Variants in CNPY4 observed in about 807,000 individuals in gnomAD.
CNPY4 encodes canopy FGF signaling regulator 4.
CNPY4 carries 33 observed loss-of-function variants against 30.1 expected under a neutral mutation model. The observed-to-expected ratio is 1.10, with a 90% CI of 0.83 to 1.46. The LOEUF is 1.46. Ranked by LOEUF, CNPY4 falls within the 40% of genes most tolerant of loss-of-function variation. The pLI is 0.00. For missense variants in CNPY4, 324 were observed against 302.6 expected (o/e 1.07, Z -0.52); for synonymous variants, 109 against 110.1 (o/e 0.99, Z 0.06).
intron 4 of CNPY4, among the ~76,000 whole-genome samples, chr7:100,123,510 A>G (rs762829617): frequency 2.0e-5 from 3 of 152,066 alleles, no homozygotes; most frequent in Non-Finnish European, 4.4e-5. Context: ...TCTACAAATA[A>G]TAATAATTTT....
At chr7:100,123,365 CAAAAAA>C (rs1006358320) in intron 4 of CNPY4, among the ~76,000 whole-genome samples, 22 of 147,992 alleles carry the variant, frequency 1.5e-4, no homozygotes, top group East Asian at 7.8e-4. Flanking sequence ...AAAACAAAAA[CAAAAAA>C]AAAGAAATCA....
In CNPY4 at chr7:100,119,670, T is replaced by A. The variant is rs1797964301; in HGVS notation, c.-75T>A. 2 of 1,611,392 alleles carry A rather than the reference T, an allele frequency of 1.2e-6. No homozygotes were observed. Among genetic ancestry groups the A allele is most frequent in the African/African-American group, 1.3e-5 (1 of 74,880 alleles). ...GGATTTAAGGTTGCCGCTAGCCGCC[T>A]GGGAATTTAAGGGACCCACACTACC... On this transcript the variant is annotated 5_prime_UTR_variant, in exon 1 of 6. Coordinates refer to ENST00000262932, the MANE Select transcript of CNPY4 (RefSeq NM_152755.2).
In CNPY4 at chr7:100,124,725, C is replaced by T; in HGVS notation, c.584C>T (p.Ala195Val). 3 of 1,613,804 alleles carry T rather than the reference C, an allele frequency of 1.9e-6. No individual in the cohort carries two copies. Among genetic ancestry groups the T allele is most frequent in the South Asian group, 2.2e-5 (2 of 91,056 alleles). Reference sequence around the variant, plus strand: ...AATTGTTTTCTGTCATCCGATCTAGCATGTCTACAGGAAACTTGGACTGGA... The same window carrying T: ...AATTGTTTTCTGTCATCCGATCTAGTATGTCTACAGGAAACTTGGACTGGA... Reference protein sequence around the residue: ...EGHVLPAAETACLQETWTGKE... With the variant: ...EGHVLPAAETVCLQETWTGKE... The change falls in exon 6 of 6, where the codon GCA becomes GTA. Residue 195 changes from alanine to valine, a missense_variant and splice_region_variant. Coordinates refer to ENST00000262932, the MANE Select transcript of CNPY4 (RefSeq NM_152755.2).
rs1797973296 is a variant in CNPY4 at position 100,119,822 on chromosome 7, G to A, written c.78G>A (p.Glu26=). 8 of 1,614,036 alleles carry A rather than the reference G, an allele frequency of 5.0e-6. No individual in the cohort carries two copies. Among genetic ancestry groups the A allele is most frequent in the African/African-American group, 2.7e-5 (2 of 75,044 alleles). ...VHEAWAGMLK[E]EDDDTERLPS... ...AGGCTTGGGCTGGGATGTTGAAGGA[G>A]GAGGACGATGACACAGAACGCTTGC... Residue 26 remains glutamate, a synonymous_variant, in exon 1 of 6, where the codon GAG becomes GAA. Coordinates refer to ENST00000262932, the MANE Select transcript of CNPY4 (RefSeq NM_152755.2).
intron 4 of CNPY4, among the ~76,000 whole-genome samples, chr7:100,123,638 A>G (rs1355043239): frequency 6.6e-6 from 1 of 151,712 alleles, no homozygotes; most frequent in Non-Finnish European, 1.5e-5. Context: ...CTCCTGCTTC[A>G]GCCTCCCGAG....
At chr7:100,122,049 G>GGAAA in intron 1 of CNPY4, 1 of 313,816 alleles carries the variant, frequency 3.2e-6, no homozygotes, top group South Asian at 2.8e-5. Flanking sequence ...GAGTCCGTCT[G>GGAAA]AAAAAAAAAA....
At position 100,122,259 on chromosome 7, in the gene CNPY4, T is replaced by C. The variant is rs1378317973; in HGVS notation, c.119T>C (p.Val40Ala). 3 of 1,605,364 alleles carry C rather than the reference T, an allele frequency of 1.9e-6. No individual in the cohort carries two copies. In the African/African-American group the frequency reaches 4.0e-5, roughly 22 times the overall value. Reference protein sequence around the residue: ...DTERLPSKCEVCKLLSTELQA... With the variant: ...DTERLPSKCEACKLLSTELQA... ...CCCGGACGTTTCTCCTCCCCACCAGTGTGTAAGCTGCTGAGCACAGAGCTA... is the reference window on the plus strand; with the variant it reads ...CCCGGACGTTTCTCCTCCCCACCAGCGTGTAAGCTGCTGAGCACAGAGCTA... Residue 40 changes from valine (V) to alanine (A), a missense_variant and splice_region_variant, in exon 2 of 6, where the codon GTG (valine) becomes GCG (alanine). Coordinates refer to ENST00000262932, the MANE Select transcript of CNPY4 (RefSeq NM_152755.2).
At position 100,124,624 on chromosome 7, in the gene CNPY4, T is replaced by C; in HGVS notation, c.576T>C (p.Ala192=). The C allele has an allele frequency of 6.2e-7, 1 of 1,613,224 alleles. No individual in the cohort carries two copies. Among genetic ancestry groups the C allele is most frequent in the Non-Finnish European group, 8.5e-7 (1 of 1,179,644 alleles). The part of the protein sequence containing the change: ...FLCEGHVLPA[A]ETACLQETWT... ...GTGAAGGTCATGTGCTCCCAGCTGCTGAAACTGGTAAGCGTAAGGGTTGAA... is the reference window on the plus strand; with the variant it reads ...GTGAAGGTCATGTGCTCCCAGCTGCCGAAACTGGTAAGCGTAAGGGTTGAA... The change falls in exon 5 of 6, where the codon GCT becomes GCC. Residue 192 remains alanine, a synonymous_variant. Coordinates refer to ENST00000262932, the MANE Select transcript of CNPY4 (RefSeq NM_152755.2).
chr7:100,124,431 G>C (rs1257461293), intron 4 of CNPY4, 83 bp from the exon 5 acceptor site: 1 of 1,081,804 alleles, frequency 9.2e-7, no homozygotes, highest in African/African-American at 1.6e-5. Flanking sequence ...TCCAAAATCA[G>C]TCAGGTTGAG....
At chr7:100,122,157 A>G in intron 1 of CNPY4, 102 bp from the exon 2 acceptor site, 1 of 1,462,988 alleles carries the variant, frequency 6.8e-7, no homozygotes, top group East Asian at 2.3e-5. Flanking sequence ...GTCTGGCTCC[A>G]TAGTCTGCAC....
In CNPY4 at chr7:100,124,800, A is replaced by G. The variant is rs1798169602; in HGVS notation, c.659A>G (p.Glu220Gly). The change falls in exon 6 of 6, where the codon GAG (glutamate) becomes GGG (glycine). Residue 220 changes from glutamate to glycine, a missense_variant. Coordinates refer to ENST00000262932, the MANE Select transcript of CNPY4 (RefSeq NM_152755.2). ...AAAACAGAAGGGGAGGAAGAGCAGG[A>G]GGAGGAGGAGGAAGAGGAGGAAGAG... ...EEKTEGEEEQ[E>G]EEEEEEEEEG... The G allele has an allele frequency of 6.3e-7, 1 of 1,595,776 alleles. No homozygotes were observed. The highest frequency in any genetic ancestry group is 8.5e-7 in the Non-Finnish European group (1 of 1,179,260).
Position 100,124,635 on chromosome 7 carries a change from A to C in CNPY4, c.583+4A>C, listed in dbSNP as rs1177676098. On this transcript the variant is annotated splice_donor_region_variant and intron_variant, in intron 5 of 5. Coordinates refer to ENST00000262932, the MANE Select transcript of CNPY4 (RefSeq NM_152755.2). The stretch of plus-strand genomic sequence containing the variant: ...GTGCTCCCAGCTGCTGAAACTGGTA[A>C]GCGTAAGGGTTGAACTCCTCTCCTG... 3 of 1,612,688 alleles carry C rather than the reference A, an allele frequency of 1.9e-6. No individual in the cohort carries two copies. In the African/African-American group the frequency reaches 4.0e-5, roughly 22 times the overall value.
At chr7:100,124,200 G>A (rs1435173682) in intron 4 of CNPY4, among the ~76,000 whole-genome samples, 1 of 151,378 alleles carries the variant, frequency 6.6e-6, no homozygotes, top group Non-Finnish European at 1.5e-5. Flanking sequence ...AGCACCTACT[G>A]TGTCCCAGAC....
In CNPY4 at chr7:100,125,085, G is replaced by T. The variant is rs1195817676; in HGVS notation, c.*197G>T. The T allele has an allele frequency of 3.4e-6, 2 of 584,498 alleles. No homozygotes were observed. Among genetic ancestry groups the T allele is most frequent in the African/African-American group, 3.7e-5 (2 of 53,720 alleles). The allele number at this position is 584,498 out of a possible 1,614,324, so 36.2% of individuals were successfully genotyped here. ...GCTTCTGGGGTGGAGGGTGGGGGTG[G>T]AGGTCCTGCTCCTAGAGATGAACTC... On this transcript the variant is annotated 3_prime_UTR_variant, in exon 6 of 6. Coordinates refer to ENST00000262932, the MANE Select transcript of CNPY4 (RefSeq NM_152755.2).
intron 1 of CNPY4, 180 bp from the exon 2 acceptor site, chr7:100,122,079 G>T (rs529671633): frequency 1.8e-5 from 9 of 492,414 alleles, no homozygotes; most frequent in Non-Finnish European, 2.9e-5. Flanking sequence ...TGAAGAAACC[G>T]AGGCACAGCA....
In CNPY4 at chr7:100,123,140, G is replaced by A. The variant is rs755471607; in HGVS notation, c.465+234G>A. 5.3e-5 allele frequency among the ~76,000 whole-genome samples: 8 copies of A among 152,012 alleles called. No individual in the cohort carries two copies. The South Asian group carries it at 1.0e-3, about 20-fold the overall frequency. ...GTGGATCACCTGAGGTCATAAGTTC[G>A]AGACCAGCCTGGCCAACAAGGCAAA... is the stretch of plus-strand genomic sequence containing the variant. On this transcript the variant is annotated intron_variant, in intron 4 of 5. Coordinates refer to ENST00000262932, the MANE Select transcript of CNPY4 (RefSeq NM_152755.2).
intron 1 of CNPY4, among the ~76,000 whole-genome samples, chr7:100,120,635 G>T (rs1348433094): frequency 6.6e-6 from 1 of 152,090 alleles, no homozygotes; most frequent in African/African-American, 2.4e-5. Context: ...TTTCACCTCC[G>T]TGTGCCGCTC....
intron 1 of CNPY4, among the ~76,000 whole-genome samples, chr7:100,120,945 C>T (rs1326435777): frequency 4.0e-5 from 6 of 151,700 alleles, no homozygotes; most frequent in Non-Finnish European, 8.8e-5. Flanking sequence ...AGTATGCATA[C>T]AGAAGGAGCT....
At chr7:100,123,927 A>G (rs969874406) in intron 4 of CNPY4, among the ~76,000 whole-genome samples, 1 of 152,148 alleles carries the variant, frequency 6.6e-6, no homozygotes, top group Non-Finnish European at 1.5e-5. Flanking sequence ...TCAGGGGTTC[A>G]AGACCAGCCG....
Sources: gnomAD v4.1 joint callset for allele counts (sites outside exome capture counted in the v4.1 genomes callset) on GRCh38, gnomAD v4.1.1 for gene constraint, MANE v1.5 for transcripts, NCBI Gene and HGNC (gene_info 2026-07-23, HGNC 2026-07-21) for gene names.